Variants in TAS2R1 observed in about 807,000 individuals in gnomAD.
The protein encoded by TAS2R1 is taste receptor type 2 member 1.
For synonymous variants in TAS2R1, 141 were observed against 134.2 expected (o/e 1.05, Z -0.35); for missense variants, 370 against 353.4 (o/e 1.05, Z -0.38).
chr5:9,649,370 A>C (rs760753854), intron 2 of TAS2R1, among the ~76,000 whole-genome samples: 4 of 152,218 alleles, frequency 2.6e-5, no homozygotes, highest in Non-Finnish European at 5.9e-5. Flanking sequence ...TAGACAAGAA[A>C]ATATTTAGTA....
chr5:9,888,293 C>T, the TAS2R1 span, among the ~76,000 whole-genome samples: 2 of 152,144 alleles, frequency 1.3e-5, no homozygotes, highest in Admixed American at 6.5e-5. Flanking sequence ...CTTTTCTCCT[C>T]TTACTCTAGT....
the TAS2R1 span, among the ~76,000 whole-genome samples, chr5:9,842,312 C>T: frequency 3.3e-5 from 4 of 120,370 alleles, no homozygotes; most frequent in African/African-American, 6.0e-5. Flanking sequence ...GTCTTTCTTT[C>T]TCTCTTTTTT....
intron 1 of TAS2R1, among the ~76,000 whole-genome samples, chr5:9,677,341 C>A (rs1466095029): frequency 6.6e-6 from 1 of 151,820 alleles, no homozygotes; most frequent in Non-Finnish European, 1.5e-5. Flanking sequence ...ATAATCTGTA[C>A]AACAAATCCC....
intron 2 of TAS2R1, among the ~76,000 whole-genome samples, chr5:9,657,737 C>T (rs944061906): frequency 5.9e-5 from 9 of 151,894 alleles, no homozygotes; most frequent in African/African-American, 1.7e-4. Context: ...CAGGGGCTGG[C>T]GGGGAGTGGG....
the TAS2R1 span, among the ~76,000 whole-genome samples, chr5:9,720,247 G>T: frequency 6.6e-6 from 1 of 152,218 alleles, no homozygotes; most frequent in Non-Finnish European, 1.5e-5. Context: ...TCAACAAAAA[G>T]CACTTACTCT....
chr5:9,735,110 G>C, the TAS2R1 span, among the ~76,000 whole-genome samples: 2 of 151,268 alleles, frequency 1.3e-5, no homozygotes, highest in African/African-American at 4.9e-5. Context: ...CAAGGGGGAA[G>C]TGCCACACAC....
chr5:9,741,964 C>T, the TAS2R1 span, among the ~76,000 whole-genome samples: 2 of 152,126 alleles, frequency 1.3e-5, no homozygotes, highest in African/African-American at 2.4e-5. Context: ...GGCACAATCT[C>T]GGCTCACCAC....
chr5:9,874,824 T>A, the TAS2R1 span, among the ~76,000 whole-genome samples: 1 of 152,162 alleles, frequency 6.6e-6, no homozygotes, highest in Non-Finnish European at 1.5e-5. Context: ...AAGATCTTTG[T>A]AGACCACATG....
chr5:9,810,456 G>A, the TAS2R1 span, among the ~76,000 whole-genome samples: 175 of 152,188 alleles, frequency 1.1e-3, no homozygotes, highest in African/African-American at 3.7e-3. Context: ...CCTCACTTCC[G>A]GGGGAGGTTG....
At chr5:9,820,127 T>C in the TAS2R1 span, among the ~76,000 whole-genome samples, 1 of 152,116 alleles carries the variant, frequency 6.6e-6, no homozygotes, top group Non-Finnish European at 1.5e-5. Context: ...AAACAGCCCC[T>C]TCTTTTAAAG....
At chr5:9,873,701 T>C in the TAS2R1 span, among the ~76,000 whole-genome samples, 1 of 151,784 alleles carries the variant, frequency 6.6e-6, no homozygotes, top group Non-Finnish European at 1.5e-5. Context: ...ACCCCGTCTC[T>C]ACTAAAATAC....
At chr5:9,708,932 T>C (rs988721280) in intron 1 of TAS2R1, among the ~76,000 whole-genome samples, 4 of 152,150 alleles carry the variant, frequency 2.6e-5, no homozygotes, top group African/African-American at 9.7e-5. Context: ...ACAAAATAGC[T>C]GCCACAGCTC....
At chr5:9,896,347 G>T in the TAS2R1 span, among the ~76,000 whole-genome samples, 2 of 152,182 alleles carry the variant, frequency 1.3e-5, no homozygotes, top group Admixed American at 1.3e-4. Flanking sequence ...GGCATTTGAG[G>T]TTACAGGAGA....
At position 9,682,861 on chromosome 5, in the gene TAS2R1, G is replaced by A. The variant is rs148911073; in HGVS notation, c.-241-23280C>T. Among the ~76,000 whole-genome samples, 37 of 152,182 alleles carry A rather than the reference G, an allele frequency of 2.4e-4. No individual in the cohort carries two copies. The East Asian group carries it at 5.2e-3, about 21-fold the overall frequency. ...TTACAATCACAGTGTTTTATTTACCGCTGCCAGTGGCCTCATTGTTTTCCA... is the reference window on the plus strand; with the variant it reads ...TTACAATCACAGTGTTTTATTTACCACTGCCAGTGGCCTCATTGTTTTCCA... On this transcript the variant is annotated intron_variant, in intron 1 of 2. Coordinates refer to the TAS2R1 transcript ENST00000506620.
At position 9,666,393 on chromosome 5, in the gene TAS2R1, C is replaced by T. The variant is rs1740633632; in HGVS notation, c.-241-6812G>A. Among the ~76,000 whole-genome samples the T allele has an allele frequency of 2.6e-5, 4 of 152,230 alleles. No homozygotes were observed. In the South Asian group the frequency reaches 8.3e-4, roughly 32 times the overall value. On this transcript the variant is annotated intron_variant, in intron 1 of 2. Coordinates refer to the TAS2R1 transcript ENST00000506620. ...ACATCTGCCCCTAAAATGCCACATC[C>T]CCTGGCCAACCACAGCTATGCTCTT...
chr5:9,790,600 T>A, the TAS2R1 span, among the ~76,000 whole-genome samples: 7 of 152,204 alleles, frequency 4.6e-5, no homozygotes, highest in African/African-American at 1.7e-4. Context: ...ATTGTGTGTG[T>A]CTGTGTGTGC....
the TAS2R1 span, among the ~76,000 whole-genome samples, chr5:9,763,188 C>CA: frequency 7.8e-4 from 118 of 151,904 alleles, no homozygotes; most frequent in Middle Eastern, 3.4e-3. Flanking sequence ...AAGAAAGTTG[C>CA]AAAAAAAGGG....
intron 2 of TAS2R1, among the ~76,000 whole-genome samples, chr5:9,657,704 A>G (rs778343989): frequency 6.6e-6 from 1 of 152,180 alleles, no homozygotes; most frequent in Non-Finnish European, 1.5e-5. Context: ...TTAAATTCTT[A>G]GAGAAAGTAG....
intron 1 of TAS2R1, among the ~76,000 whole-genome samples, chr5:9,691,398 A>G (rs537457786): frequency 2.2e-4 from 34 of 152,348 alleles, no homozygotes; most frequent in African/African-American, 8.2e-4. Flanking sequence ...CTGTGAGAGT[A>G]TAAGTTTCTG....
Sources: allele counts gnomAD v4.1 joint callset (sites outside exome capture counted in the v4.1 genomes callset), GRCh38; gene constraint gnomAD v4.1.1; transcripts MANE v1.5; gene names NCBI Gene and HGNC (gene_info 2026-07-23, HGNC 2026-07-21).